The following SI variants were observed in gnomAD, a reference collection of about 807,000 sequenced individuals.
SI encodes sucrase-isomaltase, intestinal.
Under a neutral mutation model 253.3 loss-of-function variants are expected in SI, and 235 were observed. That is an observed-to-expected ratio of 0.93 (90% CI 0.83 to 1.03). The LOEUF (loss-of-function observed/expected upper bound fraction) is 1.03. Among genes scored for constraint, SI ranks in the 50% least tolerant of loss-of-function variants. The probability of loss-of-function intolerance (pLI) is 0.00; values close to 1 mark genes in which losing one functional copy is unlikely to be tolerated. For missense variants in SI, 2,442 were observed against 2,211.1 expected (o/e 1.10, Z -2.09); for synonymous variants, 819 against 712.0 (o/e 1.15, Z -2.39).
chr3:165,003,044 T>A (rs971948064), intron 37 of SI, among the ~76,000 whole-genome samples: 5 of 151,906 alleles, frequency 3.3e-5, no homozygotes, highest in African/African-American at 1.2e-4. Context: ...TAAATATCTC[T>A]GCATATGGAC....
intron 5 of SI, among the ~76,000 whole-genome samples, chr3:165,068,478 A>G (rs1714370547): frequency 6.6e-6 from 1 of 152,100 alleles, no homozygotes; most frequent in African/African-American, 2.4e-5. Context: ...GGTTCTCGCC[A>G]TTCTCCTGCC....
In SI at chr3:165,054,763, CTTA is replaced by C. The variant is rs147196129; in HGVS notation, c.1512+428_1512+430del. On this transcript the variant is annotated intron_variant, in intron 13 of 47. Transcript: ENST00000264382. ...AATTTTTATTTATTCTCTTCCATAGCTTACTAAAGAGAAGTCTCTAAAGGGCAG... is the reference window on the plus strand; with the variant it reads ...AATTTTTATTTATTCTCTTCCATAGCCTAAAGAGAAGTCTCTAAAGGGCAG... Among the ~76,000 whole-genome samples the C allele has an allele frequency of 1.2e-3, 183 of 152,196 alleles. 2 individuals carry two copies. The East Asian group carries it at 0.032, about 27-fold the overall frequency.
At chr3:165,049,694 CA>C (rs1576909562) in intron 14 of SI, 96 bp downstream of exon 14, 4 of 738,268 alleles carry the variant, frequency 5.4e-6, no homozygotes, top group Non-Finnish European at 9.6e-6. Context: ...AGAACTATAC[CA>C]AAAATTGTAA....
In SI at chr3:165,006,922, T is replaced by C; in HGVS notation, c.4300A>G (p.Arg1434Gly). The C allele has an allele frequency of 6.2e-7, 1 of 1,611,768 alleles. No individual in the cohort carries two copies. The highest frequency in any genetic ancestry group is 8.5e-7 in the Non-Finnish European group (1 of 1,178,210). Residue 1434 changes from arginine (R) to glycine (G), a missense_variant, in exon 37 of 48, where the codon AGA (arginine) becomes GGA (glycine). Transcript: ENST00000264382. ...LTKRTDGLHF[R>G]TICMEAEQIL... The stretch of plus-strand genomic sequence containing the variant: ...TGCTCAGCTTCCATGCAAATTGTTC[T>C]GAAATGTAATCCATCAGTTCTTTTT...
chr3:165,017,401 A>G (rs1719089551), intron 31 of SI, 147 bp downstream of exon 31: 5 of 686,386 alleles, frequency 7.3e-6, no homozygotes, highest in Non-Finnish European at 1.2e-5. Context: ...GACACTGTTT[A>G]TAAATCTCAT....
rs1655564679 is a variant in SI at position 164,994,294 on chromosome 3, C to A, written c.4804G>T (p.Ala1602Ser). ...GGTCGGATAACAGTGCCACCATTAG[C>A]ATGAATTTCATGCATTTGTGTGTAA... Reference protein sequence around the residue: ...YFYTQMHEIHANGGTVIRPLL... With the variant: ...YFYTQMHEIHSNGGTVIRPLL... Residue 1602 changes from alanine to serine, a missense_variant, in exon 41 of 48, where the codon GCT becomes TCT. Ala to Ser is a moderately conservative substitution (Grantham distance 99). Transcript: ENST00000264382. 3 of 1,610,996 alleles carry A rather than the reference C, an allele frequency of 1.9e-6. No individual in the cohort carries two copies. The African/African-American group carries it at 4.0e-5, about 22-fold the overall frequency.
intron 3 of SI, 62 bp from the exon 4 acceptor site, chr3:165,069,257 G>T: frequency 9.2e-7 from 1 of 1,084,538 alleles, no homozygotes. Context: ...CCCAGTCTCT[G>T]TTTTTCCAAG....
intron 34 of SI, 30 bp downstream of exon 34, chr3:165,012,950 C>A (rs941767290): frequency 7.4e-7 from 1 of 1,358,186 alleles, no homozygotes; most frequent in Non-Finnish European, 1.1e-6. Flanking sequence ...AATTTCTTCT[C>A]ATTGTATAGT....
chr3:165,027,616 C>T (rs1438767508), intron 25 of SI, among the ~76,000 whole-genome samples: 7 of 151,248 alleles, frequency 4.6e-5, no homozygotes, highest in African/African-American at 1.7e-4. Context: ...CCCAACATGA[C>T]CAAGTGGGTT....
the SI span, among the ~76,000 whole-genome samples, chr3:165,084,474 TAGTA>T: frequency 4.7e-3 from 716 of 152,144 alleles, 8 homozygotes; most frequent in African/African-American, 0.017. Flanking sequence ...AATTGCTACC[TAGTA>T]AGTTTCAGTC....
intron 44 of SI, among the ~76,000 whole-genome samples, 182 bp downstream of exon 44, chr3:164,991,171 C>T (rs1717716088): frequency 6.6e-6 from 1 of 152,124 alleles, no homozygotes; most frequent in African/African-American, 2.4e-5. Context: ...GATAAAGTTC[C>T]TGTTTCTTGC....
chr3:165,002,800 A>G (rs1718314922), intron 37 of SI, among the ~76,000 whole-genome samples: 1 of 151,846 alleles, frequency 6.6e-6, no homozygotes, highest in African/African-American at 2.4e-5. Flanking sequence ...TATCTGAAAC[A>G]TATGAAAAAT....
intron 45 of SI, 36 bp from the exon 46 acceptor site, chr3:164,983,087 T>C (rs780651338): frequency 6.6e-7 from 1 of 1,524,478 alleles, no homozygotes; most frequent in African/African-American, 1.4e-5. Context: ...TATATTGTTA[T>C]TTCCAAAGAA....
intron 44 of SI, among the ~76,000 whole-genome samples, chr3:164,988,925 A>G (rs977874474): frequency 1.3e-5 from 2 of 152,032 alleles, no homozygotes; most frequent in African/African-American, 4.8e-5. Context: ...AATCAGTTAT[A>G]AAAATGGTGA....
chr3:165,043,703 T>C (rs11712612), intron 16 of SI, among the ~76,000 whole-genome samples: 88,182 of 151,780 alleles, frequency 0.58, 25,999 homozygotes, highest in East Asian at 0.81. Context: ...AAATACTATC[T>C]TGAATTTAGT....
chr3:165,033,762 A>C (rs1712371551), intron 22 of SI, among the ~76,000 whole-genome samples: 1 of 151,598 alleles, frequency 6.6e-6, no homozygotes, highest in Admixed American at 6.6e-5. Flanking sequence ...TATTATTTTG[A>C]AAGATATTCT....
Position 165,075,937 on chromosome 3 carries a change from C to A in SI, c.76G>T (p.Ala26Ser). The A allele has an allele frequency of 6.2e-7, 1 of 1,601,758 alleles. No homozygotes were observed. Among genetic ancestry groups the A allele is most frequent in the Non-Finnish European group, 8.5e-7 (1 of 1,170,410 alleles). ...TTAGTTGCTAAAACAACAATTAAGG[C>A]AATAGCTATTATAGTAACTATGACA... ...LFVIVTIIAI[A>S]LIVVLATKTP... is the part of the protein sequence containing the mutation. Residue 26 changes from alanine to serine, a missense_variant, in exon 2 of 48, where the codon GCC becomes TCC. Physicochemically the swap from Ala to Ser is moderately conservative, Grantham distance 99. Transcript: ENST00000264382.
chr3:165,084,086 T>C, the SI span, among the ~76,000 whole-genome samples: 1 of 152,014 alleles, frequency 6.6e-6, no homozygotes, highest in African/African-American at 2.4e-5. Flanking sequence ...TGGGAGGTAA[T>C]TAGGTCATTG....
At chr3:165,073,204 C>A (rs966835900) in intron 3 of SI, among the ~76,000 whole-genome samples, 1 of 140,714 alleles carries the variant, frequency 7.1e-6, no homozygotes, top group South Asian at 2.4e-4. Flanking sequence ...CTCTCTCTCT[C>A]TCTCTCTCTC....
Sources: allele counts gnomAD v4.1 joint callset (sites outside exome capture counted in the v4.1 genomes callset), GRCh38; gene constraint gnomAD v4.1.1; transcripts MANE v1.5; gene names NCBI Gene and HGNC (gene_info 2026-07-23, HGNC 2026-07-21).